Variants in RNF220 observed in about 807,000 individuals in gnomAD.
RNF220 encodes the protein E3 ubiquitin-protein ligase RNF220.
In RNF220, 7 loss-of-function variants were observed where a neutral mutation model predicts 67.1. The observed-to-expected ratio is 0.10, with a 90% CI of 0.06 to 0.20. RNF220 has a LOEUF of 0.20. Among genes scored for constraint, RNF220 ranks in the 10% least tolerant of loss-of-function variants. The pLI, the probability that RNF220 is intolerant of heterozygous loss-of-function variation, is 1.00. For synonymous variants in RNF220, 270 were observed against 283.2 expected (o/e 0.95, Z 0.47); for missense variants, 565 against 740.3 (o/e 0.76, Z 2.75).
intron 2 of RNF220, among the ~76,000 whole-genome samples, chr1:44,465,171 T>G (rs1361482): frequency 0.022 from 3,290 of 152,170 alleles, 132 homozygotes; most frequent in African/African-American, 0.075. Context: ...TCATAATATA[T>G]CTTTAGTCAC....
chr1:44,636,728 C>G (rs185054073), intron 8 of RNF220, among the ~76,000 whole-genome samples: 1 of 152,224 alleles, frequency 6.6e-6, no homozygotes, highest in Admixed American at 6.5e-5. Context: ...TCTCCCTGGG[C>G]GCCCTCTGCC....
At chr1:44,632,006 T>TGCC (rs1040305722) in intron 5 of RNF220, 184 of 1,022,030 alleles carry the variant, frequency 1.8e-4, no homozygotes, top group African/African-American at 4.1e-4. Flanking sequence ...GGAGCTGAAG[T>TGCC]GCCGCCGCCG....
rs963396348 is a variant in RNF220 at position 44,636,274 on chromosome 1, A to G, written c.1126+112A>G. ...TGGTGGCTGGTCATCCATCCGTTCCACCACGTGGGGACTGCTGCTGGTGGG... is the reference window on the plus strand; with the variant it reads ...TGGTGGCTGGTCATCCATCCGTTCCGCCACGTGGGGACTGCTGCTGGTGGG... On this transcript the variant is annotated intron_variant, in intron 8 of 14. Coordinates refer to ENST00000361799, the MANE Select transcript of RNF220 (RefSeq NM_018150.4). 2.7e-5 allele frequency: 38 copies of G among 1,415,340 alleles called. No homozygotes were observed. In the African/African-American group the frequency reaches 4.2e-4, roughly 16 times the overall value. The allele number at this position is 1,415,340 out of a possible 1,614,324, so 87.7% of individuals were successfully genotyped here.
intron 2 of RNF220, among the ~76,000 whole-genome samples, chr1:44,486,755 G>T (rs937631542): frequency 6.6e-6 from 1 of 152,142 alleles, no homozygotes; most frequent in South Asian, 2.1e-4. Context: ...TGACTGCCTG[G>T]GTTCAAATCT....
At chr1:44,438,876 T>TA (rs1366765285) in intron 2 of RNF220, among the ~76,000 whole-genome samples, 3 of 152,248 alleles carry the variant, frequency 2.0e-5, no homozygotes, top group African/African-American at 7.2e-5. Flanking sequence ...GCTGATTTGT[T>TA]ACTTTCTTTT....
At chr1:44,489,508 A>G (rs76652114) in intron 2 of RNF220, among the ~76,000 whole-genome samples, 3,559 of 152,344 alleles carry the variant, frequency 0.023, 75 homozygotes, top group African/African-American at 0.057. Flanking sequence ...TTTAGTGAAT[A>G]CACATTGAGT....
intron 2 of RNF220, among the ~76,000 whole-genome samples, chr1:44,461,756 A>T (rs1203042332): frequency 6.6e-6 from 1 of 152,176 alleles, no homozygotes; most frequent in East Asian, 1.9e-4. Context: ...ACAAAGCTTA[A>T]AATGTATGGA....
intron 2 of RNF220, among the ~76,000 whole-genome samples, chr1:44,515,887 C>T (rs1659414720): frequency 2.0e-5 from 3 of 152,184 alleles, no homozygotes; most frequent in Non-Finnish European, 2.9e-5. Flanking sequence ...CATACACTTT[C>T]CTAAAATACA....
intron 2 of RNF220, among the ~76,000 whole-genome samples, chr1:44,507,616 G>A (rs1469074368): frequency 6.6e-6 from 1 of 152,112 alleles, no homozygotes; most frequent in Non-Finnish European, 1.5e-5. Flanking sequence ...GCAACAAGTA[G>A]CGGGCAGGCT....
chr1:44,543,555 G>A (rs934459474), intron 2 of RNF220, among the ~76,000 whole-genome samples: 1 of 151,832 alleles, frequency 6.6e-6, no homozygotes, highest in Non-Finnish European at 1.5e-5. Context: ...GAGAGAGAGA[G>A]GGAGGGGGAA....
In RNF220 at chr1:44,414,512, T is replaced by C. The variant is rs1045632413; in HGVS notation, c.625+1790T>C. ...GACTCCAGAGCAGGAGGAAGCTTGT[T>C]AGTCAAGTCAGAACTCATAGACGTG... On this transcript the variant is annotated intron_variant, in intron 2 of 14. Transcript: ENST00000361799. Among the ~76,000 whole-genome samples, 3 of 152,202 alleles carry C rather than the reference T, an allele frequency of 2.0e-5. No homozygotes were observed. In the South Asian group the frequency reaches 6.2e-4, roughly 31 times the overall value.
rs533234896 is a variant in RNF220, at chr1:44,645,359, C to T, written c.1367-51C>T. The T allele has an allele frequency of 6.2e-6, 10 of 1,613,382 alleles. No individual in the cohort carries two copies. In the Middle Eastern group the frequency reaches 4.9e-4, roughly 80 times the overall value. ...TGACTGACTCAAGCCCAACCCCTCA[C>T]CTGTGCTGCCCAGTCTGGCCGGAGT... On this transcript the variant is annotated intron_variant, in intron 11 of 14. Coordinates refer to ENST00000361799, the MANE Select transcript of RNF220 (RefSeq NM_018150.4). This position sits in a 1 kb window ranked among gnomAD's most constrained non-coding sequence, Gnocchi z 5.0.
At chr1:44,605,898 C>T (rs1307066904) in intron 2 of RNF220, among the ~76,000 whole-genome samples, 1 of 152,222 alleles carries the variant, frequency 6.6e-6, no homozygotes, top group East Asian at 1.9e-4. Context: ...CCCACGGGCA[C>T]CGGCCACTAC....
chr1:44,505,199 G>C (rs954481487), intron 2 of RNF220, among the ~76,000 whole-genome samples: 1 of 152,212 alleles, frequency 6.6e-6, no homozygotes, highest in East Asian at 1.9e-4. Flanking sequence ...CCTGACTTCA[G>C]AGCACGTGTT....
At chr1:44,465,699 G>A (rs745558402) in intron 2 of RNF220, among the ~76,000 whole-genome samples, 2 of 152,104 alleles carry the variant, frequency 1.3e-5, no homozygotes, top group African/African-American at 2.4e-5. Flanking sequence ...ACATCAAAGC[G>A]AGTCACATGA....
intron 2 of RNF220, among the ~76,000 whole-genome samples, chr1:44,493,466 A>G (rs1021126258): frequency 2.6e-5 from 4 of 152,144 alleles, no homozygotes; most frequent in African/African-American, 7.2e-5. Context: ...GTGAGCCAAG[A>G]TCGTGCCATT....
rs80251159 is a variant in RNF220 at position 44,450,347 on chromosome 1, A to G, written c.625+37625A>G. ...TGGTTTTGAAATGTATAGGTAAAAC[A>G]TAAATTCATGCCCATTGCAAAAAAA... On this transcript the variant is annotated intron_variant, in intron 2 of 14. Transcript: ENST00000361799. Among the ~76,000 whole-genome samples the G allele has an allele frequency of 4.4e-3, 675 of 152,328 alleles. 7 individuals carry two copies. The highest frequency in any genetic ancestry group is 0.016 in the African/African-American group (647 of 41,580).
chr1:44,405,178 A>T (rs1572390517), upstream of RNF220: 1 of 282,216 alleles, frequency 3.5e-6, no homozygotes, highest in East Asian at 7.9e-5. Flanking sequence ...TATGTGTGTG[A>T]GTGTGAGAGA....
intron 2 of RNF220, among the ~76,000 whole-genome samples, chr1:44,510,826 G>A (rs1201845242): frequency 3.9e-5 from 6 of 152,066 alleles, no homozygotes; most frequent in African/African-American, 1.2e-4. Flanking sequence ...GGCTTAATAC[G>A]GTCAATGAAT....
Sources: allele counts gnomAD v4.1 joint callset (sites outside exome capture counted in the v4.1 genomes callset), GRCh38; gene constraint gnomAD v4.1.1; non-coding constraint Gnocchi (gnomAD v3.1); transcripts MANE v1.5; gene names NCBI Gene and HGNC (gene_info 2026-07-23, HGNC 2026-07-21).